KCNQ5: variants seen among roughly 807,000 people sequenced by gnomAD.
KCNQ5 encodes the protein potassium voltage-gated channel subfamily KQT member 5.
A neutral mutation model predicts 98.2 loss-of-function variants in KCNQ5; 30 were observed. The observed-to-expected ratio is 0.31, with a 90% CI of 0.23 to 0.41. The LOEUF (loss-of-function observed/expected upper bound fraction) is 0.41. Ranked by LOEUF, KCNQ5 falls within the 10% of genes least tolerant of loss-of-function variation. The pLI is 1.00. For missense variants in KCNQ5, 835 were observed against 1,182.5 expected, an observed-to-expected ratio of 0.71 and a Z score of 4.31; for synonymous variants, 458 against 449.4, an observed-to-expected ratio of 1.02 and a Z score of -0.24.
chr6:73,104,606 C>A (rs906926176), intron 5 of KCNQ5, among the ~76,000 whole-genome samples: 2 of 152,118 alleles, frequency 1.3e-5, no homozygotes, highest in Non-Finnish European at 2.9e-5. Context: ...CAAAATGTTA[C>A]CCCTCTTTCA....
intron 1 of KCNQ5, among the ~76,000 whole-genome samples, chr6:72,687,369 A>C (rs117969082): frequency 2.6e-5 from 4 of 152,196 alleles, no homozygotes; most frequent in African/African-American, 9.7e-5. Flanking sequence ...CTATACTTCT[A>C]TTTAATCTGT....
intron 1 of KCNQ5, among the ~76,000 whole-genome samples, chr6:72,708,806 G>A (rs1769218498): frequency 6.6e-6 from 1 of 151,158 alleles, no homozygotes; most frequent in Admixed American, 6.6e-5. Flanking sequence ...GTGAGCCACT[G>A]CACCCAGCCC....
intron 2 of KCNQ5, among the ~76,000 whole-genome samples, chr6:73,017,448 G>A: frequency 6.8e-6 from 1 of 147,774 alleles, no homozygotes; most frequent in East Asian, 1.9e-4. Flanking sequence ...GTATTGCTTT[G>A]GTACTGCACA....
At position 72,643,822 on chromosome 6, in the gene KCNQ5, T is replaced by C. The variant is rs539050350; in HGVS notation, c.398+21235T>C. On this transcript the variant is annotated intron_variant, in intron 1 of 13. Transcript: ENST00000370398. ...AATTTAGAGATTTCTTTAATTTAGA[T>C]AGTTTGCAAAGATGTAAGCATAAGA... Among the ~76,000 whole-genome samples, 5 of 152,276 alleles carry C rather than the reference T, an allele frequency of 3.3e-5. No homozygotes were observed. The South Asian group carries it at 1.0e-3, about 32-fold the overall frequency.
At chr6:72,856,808 C>G in intron 1 of KCNQ5, among the ~76,000 whole-genome samples, 1 of 152,146 alleles carries the variant, frequency 6.6e-6, no homozygotes, top group East Asian at 1.9e-4. Flanking sequence ...CCATGTCCAG[C>G]AGATCTACTC....
At chr6:72,671,888 C>T (rs1297276213) in intron 1 of KCNQ5, among the ~76,000 whole-genome samples, 2 of 152,074 alleles carry the variant, frequency 1.3e-5, no homozygotes, top group Non-Finnish European at 2.9e-5. Flanking sequence ...ACGATCTCGG[C>T]TCACTGCGAG....
At chr6:72,982,487 CTTTTTTTTT>C in intron 1 of KCNQ5, among the ~76,000 whole-genome samples, 1 of 60,292 alleles carries the variant, frequency 1.7e-5, no homozygotes, top group East Asian at 5.0e-4. Flanking sequence ...GCAACCCCTG[CTTTTTTTTT>C]TTTTTTTTTT....
intron 1 of KCNQ5, among the ~76,000 whole-genome samples, chr6:72,878,672 A>G (rs1406239678): frequency 6.6e-6 from 1 of 152,158 alleles, no homozygotes; most frequent in African/African-American, 2.4e-5. Flanking sequence ...TTAATGACTG[A>G]GCTGGGAGAG....
intron 5 of KCNQ5, among the ~76,000 whole-genome samples, chr6:73,084,648 A>G (rs1773909410): frequency 6.6e-6 from 1 of 152,176 alleles, no homozygotes; most frequent in East Asian, 1.9e-4. Context: ...TCATCACCCA[A>G]TTCAATTGTG....
At chr6:72,941,748 C>A (rs1210302778) in intron 1 of KCNQ5, among the ~76,000 whole-genome samples, 1 of 117,922 alleles carries the variant, frequency 8.5e-6, no homozygotes, top group Non-Finnish European at 1.7e-5. Context: ...TTCTTTCTTT[C>A]TTTTCTCCCT....
intron 1 of KCNQ5, among the ~76,000 whole-genome samples, chr6:72,820,579 C>T (rs1163334041): frequency 6.6e-6 from 1 of 151,200 alleles, no homozygotes; most frequent in East Asian, 1.9e-4. Flanking sequence ...ATTTGAGTAT[C>T]TTGTTTTCCT....
intron 1 of KCNQ5, among the ~76,000 whole-genome samples, chr6:72,807,104 T>G (rs546159117): frequency 2.6e-5 from 4 of 152,260 alleles, no homozygotes; most frequent in Admixed American, 1.3e-4. Flanking sequence ...TTTATTTTGA[T>G]GTCAGGAAGC....
intron 5 of KCNQ5, among the ~76,000 whole-genome samples, chr6:73,095,735 G>A (rs1456718594): frequency 6.6e-6 from 1 of 152,136 alleles, no homozygotes; most frequent in Non-Finnish European, 1.5e-5. Flanking sequence ...ACTCCGGGCT[G>A]GCACTGGGGA....
intron 1 of KCNQ5, among the ~76,000 whole-genome samples, chr6:72,770,185 A>C (rs1772789803): frequency 2.0e-5 from 3 of 152,148 alleles, no homozygotes; most frequent in Non-Finnish European, 4.4e-5. Flanking sequence ...AAATGTTGGC[A>C]GTTATATCAG....
chr6:72,895,235 G>A (rs189344977), intron 1 of KCNQ5, among the ~76,000 whole-genome samples: 32 of 150,324 alleles, frequency 2.1e-4, no homozygotes, highest in Non-Finnish European at 3.1e-4. Flanking sequence ...CTTGCAGTGA[G>A]CAGAGATCGC....
intron 1 of KCNQ5, among the ~76,000 whole-genome samples, chr6:72,965,569 A>G (rs1355461544): frequency 1.3e-5 from 2 of 152,068 alleles, no homozygotes; most frequent in Non-Finnish European, 2.9e-5. Context: ...CCTCATCGGG[A>G]ATGTGAAGTG....
chr6:72,827,909 G>A (rs1368226948), intron 1 of KCNQ5, among the ~76,000 whole-genome samples: 1 of 151,974 alleles, frequency 6.6e-6, no homozygotes, highest in African/African-American at 2.4e-5. Context: ...TTTTATATAG[G>A]GTAAGAGGTG....
At chr6:73,002,332 C>G (rs566309913) in intron 1 of KCNQ5, among the ~76,000 whole-genome samples, 1 of 152,224 alleles carries the variant, frequency 6.6e-6, no homozygotes, top group South Asian at 2.1e-4. Flanking sequence ...ATTCAGCACA[C>G]TGCATAGAGG....
intron 10 of KCNQ5, among the ~76,000 whole-genome samples, chr6:73,136,988 G>C (rs1776498625): frequency 6.6e-6 from 1 of 151,798 alleles, no homozygotes; most frequent in Admixed American, 6.6e-5. Context: ...AACATGCTCA[G>C]GAGAATAGAC....
Sources: allele counts gnomAD v4.1 joint callset (sites outside exome capture counted in the v4.1 genomes callset), GRCh38; gene constraint gnomAD v4.1.1; transcripts MANE v1.5; gene names NCBI Gene and HGNC (gene_info 2026-07-23, HGNC 2026-07-21).